The following BCKDK variants were observed in gnomAD, a reference collection of about 807,000 sequenced individuals.
BCKDK encodes the protein branched chain keto acid dehydrogenase kinase, also known as branched-chain alpha-ketoacid dehydrogenase kinase.
A neutral mutation model predicts 43.9 loss-of-function variants in BCKDK; 28 were observed. The observed-to-expected ratio is 0.64, with a 90% CI of 0.47 to 0.87. BCKDK has a LOEUF of 0.87. Among genes scored for constraint, BCKDK ranks in the 40% least tolerant of loss-of-function variants. The pLI is 0.00. For missense variants in BCKDK, 483 were observed against 581.4 expected, an observed-to-expected ratio of 0.83 and a Z score of 1.74; for synonymous variants, 257 against 234.3, an observed-to-expected ratio of 1.10 and a Z score of -0.88.
Position 31,109,485 on chromosome 16 carries a change from T to A in BCKDK, c.196-26T>A, listed in dbSNP as rs375308750. 16 of 1,613,936 alleles carry A rather than the reference T, an allele frequency of 9.9e-6. No homozygotes were observed. Among genetic ancestry groups the A allele is most frequent in the Non-Finnish European group, 1.4e-5 (16 of 1,179,958 alleles). ...GGGAGGGAGAGTGTTGGGGGTTCTC[T>A]GCTCAAGGCCTCTCTCCCTCTCTAG... On this transcript the variant is annotated intron_variant, in intron 2 of 11. Coordinates refer to ENST00000219794, the MANE Select transcript of BCKDK (RefSeq NM_005881.4). This position sits in a 1 kb window ranked among gnomAD's most constrained non-coding sequence, Gnocchi z 5.3.
Position 31,110,888 on chromosome 16 carries a change from A to T in BCKDK, c.716+127A>T. ...CAACCATGGCACTATTGACATTTCC[A>T]GCCAGATAATTCTTTGTCACAGGGG... On this transcript the variant is annotated intron_variant, in intron 8 of 11. Coordinates refer to ENST00000219794, the MANE Select transcript of BCKDK (RefSeq NM_005881.4). This position sits in a 1 kb window ranked among gnomAD's most constrained non-coding sequence, Gnocchi z 5.4. The T allele has an allele frequency of 7.2e-7, 1 of 1,389,260 alleles. No homozygotes were observed. The highest frequency in any genetic ancestry group is 1.9e-5 in the Admixed American group (1 of 53,564). 86.1% of individuals were successfully genotyped at this position (1,389,260 alleles called of 1,614,324 possible).
chr16:31,117,476 G>A (rs921508493), downstream of BCKDK: 21 of 411,318 alleles, frequency 5.1e-5, no homozygotes, highest in Non-Finnish European at 8.6e-5. Context: ...GCAGCCACAG[G>A]TCCGCACGGA....
At chr16:31,116,916 C>A (rs1414961107), downstream of BCKDK, among the ~76,000 whole-genome samples, 2 of 89,864 alleles carry the variant, frequency 2.2e-5, no homozygotes, top group African/African-American at 4.8e-5. Context: ...GACTCCATCT[C>A]AAAAAAAAAA....
downstream of BCKDK, among the ~76,000 whole-genome samples, chr16:31,115,220 GTCT>G (rs2057439218): frequency 8.3e-6 from 1 of 120,790 alleles, no homozygotes; most frequent in Non-Finnish European, 1.7e-5. Flanking sequence ...ACCGCGCCCA[GTCT>G]TTTTTTTTTT....
downstream of BCKDK, among the ~76,000 whole-genome samples, chr16:31,115,154 C>T (rs946093515): frequency 6.6e-6 from 1 of 151,662 alleles, no homozygotes; most frequent in African/African-American, 2.4e-5. Context: ...AACTCCTGAC[C>T]TCAAGTAATC....
Position 31,110,525 on chromosome 16 carries a change from C to T in BCKDK, c.642+26C>T. The T allele has an allele frequency of 6.2e-7, 1 of 1,610,706 alleles. No individual in the cohort carries two copies. Among genetic ancestry groups the T allele is most frequent in the Middle Eastern group, 1.7e-4 (1 of 6,000 alleles). ...GTGGGGCTCTGGGACCTGAGACCCA[C>T]CTGGGAACATTAAGTGAGACAGAGG... On this transcript the variant is annotated intron_variant, in intron 7 of 11. Transcript: ENST00000219794. The surrounding 1 kb of genome is among the most constrained non-coding windows in gnomAD (Gnocchi z 5.4).
rs764891045 is a variant in BCKDK, at chr16:31,109,302, C to T, written c.79C>T (p.Leu27Phe). ...LRPLLGPALA[L>F]RARSTSATDT... ...GCCCCTCCTGGGACCCGCACTCGCG[C>T]TCCGGGCCCGCTCGACGTCGGCCAC... The change falls in exon 2 of 12, where the codon CTC becomes TTC. Residue 27 changes from leucine to phenylalanine, a missense_variant. Physicochemically the swap from Leu to Phe is conservative, Grantham distance 22 (BLOSUM62 0). Coordinates refer to ENST00000219794, the MANE Select transcript of BCKDK (RefSeq NM_005881.4). The surrounding 1 kb of genome is among the most constrained non-coding windows in gnomAD (Gnocchi z 5.3). 1.4e-5 allele frequency: 22 copies of T among 1,606,854 alleles called. No individual in the cohort carries two copies. Among genetic ancestry groups the T allele is most frequent in the Non-Finnish European group, 1.9e-5 (22 of 1,176,872 alleles).
At position 31,110,568 on chromosome 16, in the gene BCKDK, CG is replaced by C; in HGVS notation, c.642+72del. The C allele has an allele frequency of 6.3e-7, 1 of 1,597,416 alleles. No homozygotes were observed. On this transcript the variant is annotated intron_variant, in intron 7 of 11. Coordinates refer to ENST00000219794, the MANE Select transcript of BCKDK (RefSeq NM_005881.4). The surrounding 1 kb of genome is among the most constrained non-coding windows in gnomAD (Gnocchi z 5.4). ...GACAGAGGAGACTGGGCTGGGGATC[CG>C]GGTCAAGGGCCTGGGGGCTGAGGCT...
downstream of BCKDK, chr16:31,117,518 A>C: frequency 2.0e-6 from 1 of 504,928 alleles, no homozygotes; most frequent in Admixed American, 4.3e-5. Context: ...CCGCACACTC[A>C]ACATCCAACT....
At chr16:31,111,698 G>A (rs1427312175) in intron 10 of BCKDK, among the ~76,000 whole-genome samples, 171 bp from the exon 11 acceptor site, 1 of 152,176 alleles carries the variant, frequency 6.6e-6, no homozygotes, top group African/African-American at 2.4e-5. Context: ...TAAGCAGTCA[G>A]TGGCCCTGGC....
chr16:31,110,903 TG>T lies in BCKDK; in HGVS notation c.716+143del. On this transcript the variant is annotated intron_variant, in intron 8 of 11. Transcript: ENST00000219794. This position sits in a 1 kb window ranked among gnomAD's most constrained non-coding sequence, Gnocchi z 5.4. ...TGACATTTCCAGCCAGATAATTCTT[TG>T]TCACAGGGGCTGCCCCGTGCACGTT... The T allele has an allele frequency of 7.3e-7, 1 of 1,361,060 alleles. No homozygotes were observed. The highest frequency in any genetic ancestry group is 1.0e-6 in the Non-Finnish European group (1 of 976,468). The allele number at this position is 1,361,060 out of a possible 1,614,324, so 84.3% of individuals were successfully genotyped here.
chr16:31,111,535 T>C, intron 10 of BCKDK, 146 bp downstream of exon 10: 1 of 964,494 alleles, frequency 1.0e-6, no homozygotes. Context: ...AATCCTGAGA[T>C]GGCCATGAGC....
Position 31,109,520 on chromosome 16 carries a change from C to A in BCKDK, c.205C>A (p.Arg69Ser). The A allele has an allele frequency of 6.2e-7, 1 of 1,614,128 alleles. No homozygotes were observed. Residue 69 changes from arginine (R) to serine (S), a missense_variant, in exon 3 of 12, where the codon CGC becomes AGC. Arg to Ser is a moderately radical substitution (Grantham distance 110). Coordinates refer to ENST00000219794, the MANE Select transcript of BCKDK (RefSeq NM_005881.4). This position sits in a 1 kb window ranked among gnomAD's most constrained non-coding sequence, Gnocchi z 5.3. ...CTCTCTCCCTCTCTAGCCCTCAGTC[C>A]GCCTAACGCCCACCATGATGCTCTA... ...IDAAAEKPSV[R>S]LTPTMMLYAG...
rs769426659 is a variant in BCKDK at position 31,112,349 on chromosome 16, G to A, written c.*84G>A. 9.5e-6 allele frequency: 15 copies of A among 1,582,832 alleles called. No individual in the cohort carries two copies. The highest frequency in any genetic ancestry group is 1.2e-5 in the Non-Finnish European group (14 of 1,166,522). On this transcript the variant is annotated 3_prime_UTR_variant, in exon 12 of 12. Transcript: ENST00000219794. The surrounding 1 kb of genome is among the most constrained non-coding windows in gnomAD (Gnocchi z 5.0). ...CCCGGGTCAGGCAGGGCGGCCCCCT[G>A]CTCCACACACTGCTGCATCTTGGGT...
At chr16:31,115,179 T>TC (rs1457665429), downstream of BCKDK, among the ~76,000 whole-genome samples, 1 of 151,156 alleles carries the variant, frequency 6.6e-6, no homozygotes, top group Non-Finnish European at 1.5e-5. Flanking sequence ...TGCTTCGGCC[T>TC]CCCAAAGTGC....
At position 31,110,671 on chromosome 16, in the gene BCKDK, C is replaced by G. The variant is rs375380019; in HGVS notation, c.643-17C>G. The G allele has an allele frequency of 2.5e-6, 4 of 1,613,908 alleles. No homozygotes were observed. In the African/African-American group the frequency reaches 4.0e-5, roughly 16 times the overall value. On this transcript the variant is annotated splice_polypyrimidine_tract_variant and intron_variant, in intron 7 of 11. Transcript: ENST00000219794. The surrounding 1 kb of genome is among the most constrained non-coding windows in gnomAD (Gnocchi z 5.4). ...GGCTAGGGGCGTGGGTAGTCCTGAC[C>G]TCCTTTCTCCGGCCAGCCTGACTTT...
At chr16:31,111,741 G>A in intron 10 of BCKDK, 128 bp from the exon 11 acceptor site, 1 of 1,276,982 alleles carries the variant, frequency 7.8e-7, no homozygotes, top group Non-Finnish European at 1.1e-6. Flanking sequence ...AGGCCCAAGG[G>A]TCTAGGTGGA....
chr16:31,115,509 C>T (rs2057440226), downstream of BCKDK, among the ~76,000 whole-genome samples: 1 of 152,210 alleles, frequency 6.6e-6, no homozygotes, highest in East Asian at 1.9e-4. Context: ...AGGAGTGAGC[C>T]ACTGCGCCCA....
chr16:31,111,420 G>C, intron 10 of BCKDK, 31 bp downstream of exon 10: 1 of 1,602,442 alleles, frequency 6.2e-7, no homozygotes, highest in Non-Finnish European at 8.5e-7. Flanking sequence ...GAGCTGAGGT[G>C]GATGGGATGG....
Sources: gnomAD v4.1 joint callset for allele counts (sites outside exome capture counted in the v4.1 genomes callset) on GRCh38, gnomAD v4.1.1 for gene constraint, Gnocchi (gnomAD v3.1) non-coding constraint, MANE v1.5 for transcripts, NCBI Gene and HGNC (gene_info 2026-07-23, HGNC 2026-07-21) for gene names.